Variants in SPRED1 observed in about 807,000 individuals in gnomAD.
SPRED1 encodes sprouty-related, EVH1 domain-containing protein 1.
In SPRED1, 18 loss-of-function variants were observed where a neutral mutation model predicts 52.3. The observed-to-expected ratio is 0.34, with a 90% CI of 0.24 to 0.51. SPRED1 has a LOEUF of 0.51. Ranked by LOEUF, SPRED1 falls within the 20% of genes least tolerant of loss-of-function variation. SPRED1 has a pLI of 0.97. For synonymous variants in SPRED1, 155 were observed against 179.7 expected (o/e 0.86, Z 1.10); for missense variants, 485 against 551.0 (o/e 0.88, Z 1.20).
In SPRED1 at chr15:38,334,475, A is replaced by G. The variant is rs554045425; in HGVS notation, c.424-5262A>G. Among the ~76,000 whole-genome samples, 4 of 152,140 alleles carry G rather than the reference A, an allele frequency of 2.6e-5. No homozygotes were observed. In the East Asian group the frequency reaches 7.7e-4, roughly 29 times the overall value. On this transcript the variant is annotated intron_variant, in intron 4 of 6. Coordinates refer to ENST00000299084, the MANE Select transcript of SPRED1 (RefSeq NM_152594.3). Reference sequence around the variant, plus strand: ...ATACATATAAAATAACTCCTTGGAGAGAGAACCCATGAATCCCCTGGTTCT... The same window carrying G: ...ATACATATAAAATAACTCCTTGGAGGGAGAACCCATGAATCCCCTGGTTCT...
In SPRED1 at chr15:38,295,089, G is replaced by A. The variant is rs955451120; in HGVS notation, c.33-4284G>A. Among the ~76,000 whole-genome samples, 14 of 152,118 alleles carry A rather than the reference G, an allele frequency of 9.2e-5. 1 individual carries two copies. Among genetic ancestry groups the A allele is most frequent in the South Asian group, 4.1e-4 (2 of 4,826 alleles). On this transcript the variant is annotated intron_variant, in intron 1 of 6. Transcript: ENST00000299084. ...TACAGCATCTTCTGTCAAGTAAATC[G>A]TGAAATTATTTTACTTTCAAGAGAA...
chr15:38,282,704 A>G (rs1894716425), intron 1 of SPRED1, among the ~76,000 whole-genome samples: 1 of 152,226 alleles, frequency 6.6e-6, no homozygotes, highest in African/African-American at 2.4e-5. Context: ...AGCGATGGGA[A>G]ATGTCTCCTG....
chr15:38,306,831 C>T (rs1453713400), intron 2 of SPRED1, among the ~76,000 whole-genome samples: 2 of 152,110 alleles, frequency 1.3e-5, no homozygotes, highest in Admixed American at 6.5e-5. Flanking sequence ...ATTACATTTC[C>T]TCTTTCTTCT....
chr15:38,337,572 A>G (rs1290957932), intron 4 of SPRED1, among the ~76,000 whole-genome samples: 1 of 152,156 alleles, frequency 6.6e-6, no homozygotes, highest in East Asian at 1.9e-4. Context: ...CAATTTAATA[A>G]TGAAGCAATA....
At chr15:38,264,179 G>A (rs1894257996) in intron 1 of SPRED1, among the ~76,000 whole-genome samples, 1 of 152,200 alleles carries the variant, frequency 6.6e-6, no homozygotes. Flanking sequence ...TGTGAGCTAA[G>A]TATCCATAGT....
At chr15:38,294,565 C>T (rs904284455) in intron 1 of SPRED1, among the ~76,000 whole-genome samples, 9 of 152,010 alleles carry the variant, frequency 5.9e-5, no homozygotes, top group Non-Finnish European at 1.0e-4. Context: ...AAATAGGTCT[C>T]ACTGGGCTAA....
intron 1 of SPRED1, among the ~76,000 whole-genome samples, chr15:38,259,774 G>T (rs1486102932): frequency 3.3e-5 from 5 of 152,132 alleles, no homozygotes; most frequent in African/African-American, 1.2e-4. Context: ...GTTAACTCAG[G>T]TAATGAATTT....
chr15:38,303,722 A>G (rs977199137), intron 2 of SPRED1, among the ~76,000 whole-genome samples: 4 of 152,124 alleles, frequency 2.6e-5, no homozygotes, highest in African/African-American at 4.8e-5. Context: ...TGCTAAAGCT[A>G]TGCTTTTTAA....
intron 1 of SPRED1, among the ~76,000 whole-genome samples, chr15:38,277,203 G>T (rs983528363): frequency 1.3e-5 from 2 of 152,160 alleles, no homozygotes; most frequent in Non-Finnish European, 2.9e-5. Context: ...GGGGTTTGAT[G>T]TACAGATTAT....
chr15:38,299,572 A>G lies in SPRED1; in HGVS notation c.207+25A>G, dbSNP rs756741946. 3.1e-6 allele frequency: 5 copies of G among 1,592,728 alleles called. No individual in the cohort carries two copies. The South Asian group carries it at 4.4e-5, about 14-fold the overall frequency. ...GGTAATGAATAATGTATCTAATACTATAATTTTAGATAATGAATTATCTGT... is the reference window on the plus strand; with the variant it reads ...GGTAATGAATAATGTATCTAATACTGTAATTTTAGATAATGAATTATCTGT... On this transcript the variant is annotated intron_variant, in intron 2 of 6. Transcript: ENST00000299084.
In SPRED1 at chr15:38,349,690, A is replaced by G. The variant is rs10083640; in HGVS notation, c.684+167A>G. ...AACGCTGTTAGTTAAAAACTCTGCA[A>G]ACTTCTCATTTGAGTCTAAAAGATT... On this transcript the variant is annotated intron_variant, in intron 6 of 6. Transcript: ENST00000299084. Among the ~76,000 whole-genome samples the G allele has an allele frequency of 0.82, 125,307 of 152,196 alleles. 52,393 individuals carry two copies. Among genetic ancestry groups the G allele is most frequent in the Non-Finnish European group, 0.9 (60,969 of 68,014 alleles).
intron 5 of SPRED1, among the ~76,000 whole-genome samples, chr15:38,343,696 T>A (rs1427768058): frequency 1.3e-5 from 2 of 152,090 alleles, no homozygotes; most frequent in East Asian, 3.9e-4. Context: ...AGACACAGAT[T>A]GTACAAGGCT....
At chr15:38,278,730 T>C (rs572450764) in intron 1 of SPRED1, among the ~76,000 whole-genome samples, 108 of 150,368 alleles carry the variant, frequency 7.2e-4, no homozygotes, top group Middle Eastern at 3.4e-3. Context: ...GCAAATGCTG[T>C]GTAAATAGTT....
intron 2 of SPRED1, among the ~76,000 whole-genome samples, chr15:38,312,260 A>G (rs991871107): frequency 3.9e-5 from 6 of 152,132 alleles, no homozygotes; most frequent in South Asian, 2.1e-4. Flanking sequence ...GATTCATTTC[A>G]TCAACATTAT....
chr15:38,333,123 A>G (rs1440664930), intron 4 of SPRED1, among the ~76,000 whole-genome samples: 1 of 152,128 alleles, frequency 6.6e-6, no homozygotes, highest in African/African-American at 2.4e-5. Context: ...GGAGTATAGC[A>G]CTGGTTCACA....
At chr15:38,302,075 A>G (rs1351821309) in intron 2 of SPRED1, among the ~76,000 whole-genome samples, 1 of 151,920 alleles carries the variant, frequency 6.6e-6, no homozygotes. Flanking sequence ...CCATCTTAGA[A>G]TCCTCTACCT....
intron 1 of SPRED1, among the ~76,000 whole-genome samples, chr15:38,278,662 A>G (rs573586586): frequency 4.6e-5 from 7 of 152,302 alleles, no homozygotes; most frequent in Admixed American, 1.3e-4. Flanking sequence ...TATAATCTAC[A>G]CACATCCTCC....
chr15:38,301,659 T>C (rs897173683), intron 2 of SPRED1, among the ~76,000 whole-genome samples: 2 of 152,150 alleles, frequency 1.3e-5, no homozygotes, highest in African/African-American at 2.4e-5. Context: ...GACGGTGATA[T>C]TGAAATGAGA....
chr15:38,284,614 A>G (rs1894765615), intron 1 of SPRED1, among the ~76,000 whole-genome samples: 1 of 152,194 alleles, frequency 6.6e-6, no homozygotes, highest in South Asian at 2.1e-4. Flanking sequence ...CCACACAACT[A>G]TAAACATATT....
Sources: gnomAD v4.1 joint callset for allele counts (sites outside exome capture counted in the v4.1 genomes callset) on GRCh38, gnomAD v4.1.1 for gene constraint, MANE v1.5 for transcripts, NCBI Gene and HGNC (gene_info 2026-07-23, HGNC 2026-07-21) for gene names.